The following SUGP1 variants were observed in gnomAD, a reference collection of about 807,000 sequenced individuals.
SUGP1 encodes the protein SURP and G-patch domain-containing protein 1.
SUGP1 carries 34 observed loss-of-function variants against 76.5 expected under a neutral mutation model. That is an observed-to-expected ratio of 0.44 (90% CI 0.34 to 0.59). SUGP1 has a LOEUF of 0.59. SUGP1 is among the 20% of genes least tolerant of loss of function. SUGP1 has a pLI of 0.01. For missense variants in SUGP1, 752 were observed against 851.7 expected (o/e 0.88, Z 1.46); for synonymous variants, 326 against 326.2 (o/e 1.00, Z 0.01).
chr19:19,305,455 T>C (rs1007625784), intron 4 of SUGP1, among the ~76,000 whole-genome samples: 3 of 152,130 alleles, frequency 2.0e-5, no homozygotes, highest in South Asian at 2.1e-4. Flanking sequence ...AGGTAACCCA[T>C]GGTGAGGGGC....
At chr19:19,300,761 A>G (rs1336045416) in intron 7 of SUGP1, among the ~76,000 whole-genome samples, 1 of 152,066 alleles carries the variant, frequency 6.6e-6, no homozygotes, top group Non-Finnish European at 1.5e-5. Flanking sequence ...GACCTCAACC[A>G]GCCTGGCCTC....
chr19:19,293,891 A>T (rs2061204728), intron 8 of SUGP1, among the ~76,000 whole-genome samples: 1 of 152,226 alleles, frequency 6.6e-6, no homozygotes, highest in Admixed American at 6.5e-5. Flanking sequence ...AACCCTGAAG[A>T]ATCCACAAAC....
At chr19:19,287,832 G>A (rs1353819221) in intron 8 of SUGP1, among the ~76,000 whole-genome samples, 2 of 152,180 alleles carry the variant, frequency 1.3e-5, no homozygotes, top group East Asian at 3.8e-4. Context: ...GAATAATACT[G>A]TATATAAACA....
chr19:19,312,828 A>G (rs2061361971), intron 2 of SUGP1, among the ~76,000 whole-genome samples: 1 of 151,854 alleles, frequency 6.6e-6, no homozygotes, highest in Admixed American at 6.6e-5. Flanking sequence ...TCTACTAAAA[A>G]TTAAAAAAAA....
intron 8 of SUGP1, among the ~76,000 whole-genome samples, chr19:19,296,646 CA>C (rs535312697): frequency 5.5e-4 from 60 of 109,874 alleles, no homozygotes; most frequent in Admixed American, 6.8e-4. Flanking sequence ...GACTCTGTCT[CA>C]AAAAAAAAAA....
At chr19:19,284,904 C>T (rs1599847800) in intron 8 of SUGP1, among the ~76,000 whole-genome samples, 3 of 150,050 alleles carry the variant, frequency 2.0e-5, no homozygotes, top group African/African-American at 4.9e-5. Flanking sequence ...GATGGAGTCT[C>T]GCTCTTTCGC....
chr19:19,304,682 G>A (rs2061302619), intron 4 of SUGP1, among the ~76,000 whole-genome samples: 1 of 152,206 alleles, frequency 6.6e-6, no homozygotes, highest in Admixed American at 6.5e-5. Context: ...TACACAGACT[G>A]CAGTCCTTGT....
chr19:19,314,985 G>A (rs1455696016), intron 2 of SUGP1, among the ~76,000 whole-genome samples: 1 of 151,960 alleles, frequency 6.6e-6, no homozygotes, highest in African/African-American at 2.4e-5. Flanking sequence ...GGTGAGCTGA[G>A]ATCGTGCCAC....
chr19:19,288,396 G>C (rs2061157331), intron 8 of SUGP1, among the ~76,000 whole-genome samples: 1 of 152,116 alleles, frequency 6.6e-6, no homozygotes, highest in Non-Finnish European at 1.5e-5. Context: ...TAAGAATATA[G>C]TACATAATAC....
At position 19,306,058 on chromosome 19, in the gene SUGP1, G is replaced by A. The variant is rs1003347536; in HGVS notation, c.329C>T (p.Pro110Leu). The A allele has an allele frequency of 1.2e-6, 2 of 1,604,428 alleles. No homozygotes were observed. The highest frequency in any genetic ancestry group is 2.2e-5 in the East Asian group (1 of 44,678). Residue 110 changes from proline (P) to leucine (L), a missense_variant, in exon 4 of 14, where the codon CCC becomes CTC. Pro to Leu is a moderately conservative substitution (Grantham distance 98). Around this residue, in one of 2 missense-constraint regions of SUGP1, gnomAD observed 620 missense variants for 617.3 expected, o/e 1.00. Transcript: ENST00000247001. ...QTSTDAPTSA[P>L]SAPPSTPTPS... ...GGTGGGTGTGCTGGGAGGGGCGCTG[G>A]GCGCACTGGTCGGGGCGTCTGGTAT...
intron 12 of SUGP1, among the ~76,000 whole-genome samples, chr19:19,277,422 C>T (rs1035815210): frequency 7.2e-5 from 11 of 152,112 alleles, no homozygotes; most frequent in African/African-American, 2.4e-4. Flanking sequence ...GGAGTGGTTT[C>T]GCACTCATGG....
chr19:19,307,618 A>T (rs1038099547), intron 3 of SUGP1, among the ~76,000 whole-genome samples: 3 of 152,162 alleles, frequency 2.0e-5, no homozygotes, highest in Non-Finnish European at 4.4e-5. Flanking sequence ...TACTTCCTGT[A>T]AGAAAGGGGG....
intron 2 of SUGP1, among the ~76,000 whole-genome samples, chr19:19,314,372 A>C (rs2061377064): frequency 6.6e-6 from 1 of 151,862 alleles, no homozygotes; most frequent in Non-Finnish European, 1.5e-5. Flanking sequence ...ACAGAAAAAC[A>C]CCTCAACACT....
intron 8 of SUGP1, among the ~76,000 whole-genome samples, chr19:19,291,408 G>A (rs1195984981): frequency 6.6e-6 from 1 of 150,886 alleles, no homozygotes; most frequent in East Asian, 1.9e-4. Context: ...TGAAGGAGGG[G>A]CTGTAACTAA....
intron 8 of SUGP1, among the ~76,000 whole-genome samples, chr19:19,281,739 GGCTGCATA>G (rs910842302): frequency 2.6e-5 from 4 of 152,248 alleles, no homozygotes; most frequent in Admixed American, 1.3e-4. Context: ...CCACAGTGCA[GGCTGCATA>G]GCTGCATAGT....
At chr19:19,282,126 C>G (rs1451463929) in intron 8 of SUGP1, among the ~76,000 whole-genome samples, 1 of 152,114 alleles carries the variant, frequency 6.6e-6, no homozygotes, top group Non-Finnish European at 1.5e-5. Context: ...ACTACAGGCA[C>G]GTGGCACCAC....
At chr19:19,296,137 T>A (rs958356517) in intron 8 of SUGP1, among the ~76,000 whole-genome samples, 1 of 151,076 alleles carries the variant, frequency 6.6e-6, no homozygotes, top group Non-Finnish European at 1.5e-5. Context: ...AGCAACATAG[T>A]GAGACCCCGT....
intron 2 of SUGP1, among the ~76,000 whole-genome samples, chr19:19,311,054 ATTT>A (rs35467129): frequency 8.0e-5 from 11 of 137,824 alleles, no homozygotes; most frequent in Non-Finnish European, 6.3e-5. Context: ...TAATTTTTTA[ATTT>A]TTTTTTTTTT....
At chr19:19,306,387 G>A (rs942116709) in intron 3 of SUGP1, among the ~76,000 whole-genome samples, 17 of 152,214 alleles carry the variant, frequency 1.1e-4, no homozygotes, top group African/African-American at 3.1e-4. Context: ...CAGTTCTGCC[G>A]GGTAAGACCC....
Sources: gnomAD v4.1 joint callset for allele counts (sites outside exome capture counted in the v4.1 genomes callset) on GRCh38, gnomAD v4.1.1 for gene constraint, gnomAD v4.1.1 regional missense constraint, MANE v1.5 for transcripts, NCBI Gene and HGNC (gene_info 2026-07-23, HGNC 2026-07-21) for gene names.